The following FSIP1 variants were observed in gnomAD, a reference collection of about 807,000 sequenced individuals.
FSIP1 encodes fibrous sheath-interacting protein 1.
Under a neutral mutation model 60.9 loss-of-function variants are expected in FSIP1, and 65 were observed. The ratio of observed to expected loss-of-function variants is 1.07; its 90% CI spans 0.87 to 1.31. The LOEUF (loss-of-function observed/expected upper bound fraction) is 1.31. Ranked by LOEUF, FSIP1 falls within the 40% of genes most tolerant of loss-of-function variation. The pLI, the probability that FSIP1 is intolerant of heterozygous loss-of-function variation, is 0.00. For synonymous variants in FSIP1, 209 were observed against 221.2 expected (o/e 0.94, Z 0.49); for missense variants, 675 against 665.5 (o/e 1.01, Z -0.16).
chr15:39,667,086 A>G (rs1178818502), intron 10 of FSIP1, among the ~76,000 whole-genome samples: 1 of 152,224 alleles, frequency 6.6e-6, no homozygotes, highest in African/African-American at 2.4e-5. Flanking sequence ...ACCATTGATC[A>G]GGAGAGCTCT....
chr15:39,686,712 T>C (rs2129459), intron 10 of FSIP1, among the ~76,000 whole-genome samples: 105,573 of 152,146 alleles, frequency 0.69, 38,165 homozygotes, highest in Non-Finnish European at 0.82. Context: ...TTCAAATAAA[T>C]ATATTGAAGT....
intron 10 of FSIP1, among the ~76,000 whole-genome samples, chr15:39,623,013 T>C (rs897255816): frequency 1.3e-5 from 2 of 151,614 alleles, no homozygotes; most frequent in Non-Finnish European, 1.5e-5. Context: ...CTCTTTTAGC[T>C]CATTAAAAAA....
Position 39,617,813 on chromosome 15 carries a change from G to C in FSIP1, c.1621C>G (p.Pro541Ala), listed in dbSNP as rs138630370. The C allele has an allele frequency of 9.1e-5, 147 of 1,613,716 alleles. No individual in the cohort carries two copies. Among genetic ancestry groups the C allele is most frequent in the Non-Finnish European group, 1.2e-4 (144 of 1,179,760 alleles). ...AGGCTCACACTGATACCATACAGTGGATCATCTAAGAAGGAGGGCCTTTTC... is the reference window on the plus strand; with the variant it reads ...AGGCTCACACTGATACCATACAGTGCATCATCTAAGAAGGAGGGCCTTTTC... ...RLKRPSFLDD[P>A]LYGISVSLSS... The change falls in exon 11 of 12, where the codon CCA becomes GCA. Residue 541 changes from proline to alanine, a missense_variant. Pro to Ala is a conservative substitution (Grantham distance 27). Transcript: ENST00000350221.
intron 3 of FSIP1, among the ~76,000 whole-genome samples, chr15:39,766,226 A>G (rs967926728): frequency 2.6e-5 from 4 of 152,366 alleles, no homozygotes; most frequent in African/African-American, 9.6e-5. Flanking sequence ...TGGTTGCAAC[A>G]TATAGAAAGA....
intron 5 of FSIP1, among the ~76,000 whole-genome samples, chr15:39,761,954 T>A (rs945353740): frequency 6.6e-6 from 1 of 152,226 alleles, no homozygotes; most frequent in African/African-American, 2.4e-5. Context: ...GAACAATTTA[T>A]CTCTGCTCCA....
chr15:39,751,935 ATGT>A (rs1346209333), intron 5 of FSIP1, among the ~76,000 whole-genome samples: 7 of 151,990 alleles, frequency 4.6e-5, no homozygotes, highest in African/African-American at 9.7e-5. Context: ...ATCTCATATC[ATGT>A]TGTAATACCT....
intron 10 of FSIP1, among the ~76,000 whole-genome samples, chr15:39,634,177 G>A (rs1393924547): frequency 6.6e-6 from 1 of 152,062 alleles, no homozygotes; most frequent in Non-Finnish European, 1.5e-5. Context: ...CTCTCTACTG[G>A]ATTTTTCCCA....
At chr15:39,742,076 C>T (rs147670796) in intron 5 of FSIP1, among the ~76,000 whole-genome samples, 176 bp from the exon 6 acceptor site, 1 of 152,278 alleles carries the variant, frequency 6.6e-6, no homozygotes, top group East Asian at 1.9e-4. Flanking sequence ...ATGACAATCA[C>T]CTTTGTATAC....
intron 10 of FSIP1, among the ~76,000 whole-genome samples, chr15:39,712,259 G>A (rs547492142): frequency 1.2e-4 from 19 of 152,266 alleles, no homozygotes; most frequent in African/African-American, 4.1e-4. Context: ...ATTACAAGGT[G>A]TGAAGATGGG....
At chr15:39,704,698 T>G (rs1488176145) in intron 10 of FSIP1, among the ~76,000 whole-genome samples, 1 of 152,212 alleles carries the variant, frequency 6.6e-6, no homozygotes, top group Non-Finnish European at 1.5e-5. Context: ...TCTGAATCTA[T>G]AGCATGTGTA....
At chr15:39,660,366 A>G (rs1893251014) in intron 10 of FSIP1, among the ~76,000 whole-genome samples, 1 of 152,228 alleles carries the variant, frequency 6.6e-6, no homozygotes, top group African/African-American at 2.4e-5. Flanking sequence ...CATTCAAATA[A>G]GGCTCAAGAA....
At chr15:39,745,057 T>C (rs112569912) in intron 5 of FSIP1, among the ~76,000 whole-genome samples, 2,403 of 151,682 alleles carry the variant, frequency 0.016, 82 homozygotes, top group African/African-American at 0.054. Context: ...AAGATACGCC[T>C]CTGAGAGAAC....
intron 11 of FSIP1, chr15:39,602,223 A>G (rs1890665963): frequency 2.4e-6 from 1 of 412,516 alleles, no homozygotes. Flanking sequence ...ATTAACACAC[A>G]CAGATGGAGG....
In FSIP1 at chr15:39,606,532, G is replaced by A. The variant is rs56051500; in HGVS notation, c.1700-5606C>T. Among the ~76,000 whole-genome samples the A allele has an allele frequency of 3.3e-3, 500 of 152,176 alleles. 2 individuals carry two copies. Among genetic ancestry groups the A allele is most frequent in the Middle Eastern group, 0.02 (6 of 294 alleles). ...TATTGTTGACTATAGTCACCCTACA[G>A]TGCTATAGACTATTAGAACTTATTC... On this transcript the variant is annotated intron_variant, in intron 11 of 11. Transcript: ENST00000350221.
chr15:39,722,729 A>C (rs1281730195), intron 9 of FSIP1, among the ~76,000 whole-genome samples: 1 of 152,100 alleles, frequency 6.6e-6, no homozygotes, highest in Non-Finnish European at 1.5e-5. Context: ...CCAGGAGTTC[A>C]AGACCAGCCT....
intron 10 of FSIP1, among the ~76,000 whole-genome samples, chr15:39,679,674 T>C (rs532843485): frequency 2.2e-4 from 33 of 152,342 alleles, no homozygotes; most frequent in African/African-American, 7.9e-4. Context: ...AATTTACTAC[T>C]ATATGCAAGA....
chr15:39,612,422 G>T (rs1458209993), intron 11 of FSIP1, among the ~76,000 whole-genome samples: 2 of 151,820 alleles, frequency 1.3e-5, no homozygotes, highest in Admixed American at 1.3e-4. Context: ...GGGGAAAAAA[G>T]GAAATCAAAC....
intron 5 of FSIP1, among the ~76,000 whole-genome samples, chr15:39,742,594 A>T (rs1163228254): frequency 6.6e-6 from 1 of 152,230 alleles, no homozygotes; most frequent in Admixed American, 6.5e-5. Context: ...TGCAGCACAG[A>T]AATGGTTTTG....
chr15:39,738,246 C>T (rs754629070), intron 7 of FSIP1, 45 bp from the exon 8 acceptor site: 9 of 1,268,138 alleles, frequency 7.1e-6, no homozygotes, highest in Non-Finnish European at 1.0e-5. Context: ...CAAGGAAATT[C>T]ACAGTTCAGG....
Sources: gnomAD v4.1 joint callset for allele counts (sites outside exome capture counted in the v4.1 genomes callset) on GRCh38, gnomAD v4.1.1 for gene constraint, MANE v1.5 for transcripts, NCBI Gene and HGNC (gene_info 2026-07-23, HGNC 2026-07-21) for gene names.